Variants in PTPRD observed in about 807,000 individuals in gnomAD.
PTPRD encodes protein tyrosine phosphatase receptor type D.
A neutral mutation model predicts 214.5 loss-of-function variants in PTPRD; 34 were observed. The observed-to-expected ratio is 0.16, with a 90% CI of 0.12 to 0.21. The LOEUF (loss-of-function observed/expected upper bound fraction) is 0.21, where lower values mean the gene tolerates loss of function less well. Ranked by LOEUF, PTPRD falls within the 10% of genes least tolerant of loss-of-function variation. The pLI, the probability that PTPRD is intolerant of heterozygous loss-of-function variation, is 1.00. For missense variants in PTPRD, 2,545 were observed against 2,398.7 expected (o/e 1.06, Z -1.27); for synonymous variants, 1,128 against 845.7 (o/e 1.33, Z -5.79).
At chr9:8,738,613 G>A (rs1379416564) in intron 11 of PTPRD, among the ~76,000 whole-genome samples, 8 of 151,170 alleles carry the variant, frequency 5.3e-5, no homozygotes, top group Admixed American at 1.3e-4. Flanking sequence ...GGAAATCTGA[G>A]TGACAAAAAG....
intron 5 of PTPRD, among the ~76,000 whole-genome samples, chr9:9,919,015 A>G (rs1214870878): frequency 6.6e-6 from 1 of 152,138 alleles, no homozygotes; most frequent in Non-Finnish European, 1.5e-5. Flanking sequence ...ACTAATCTTG[A>G]TGTTGAGGAG....
intron 2 of PTPRD, among the ~76,000 whole-genome samples, chr9:10,404,243 G>A (rs1439533602): frequency 6.6e-6 from 1 of 151,804 alleles, no homozygotes; most frequent in African/African-American, 2.4e-5. Flanking sequence ...AGGGGTGGTG[G>A]AAGGTGGTTA....
chr9:9,060,859 GACAAA>G (rs1184648129), intron 10 of PTPRD, among the ~76,000 whole-genome samples: 1 of 152,060 alleles, frequency 6.6e-6, no homozygotes, highest in African/African-American at 2.4e-5. Flanking sequence ...TATTATAATA[GACAAA>G]ACAAATTTTT....
At chr9:8,853,459 G>C (rs1279885774) in intron 11 of PTPRD, among the ~76,000 whole-genome samples, 1 of 152,116 alleles carries the variant, frequency 6.6e-6, no homozygotes, top group African/African-American at 2.4e-5. Flanking sequence ...GGAAACAGAT[G>C]TAAGCCAAGC....
intron 17 of PTPRD, 77 bp from the exon 18 acceptor site, chr9:8,525,112 CA>C: frequency 7.9e-7 from 1 of 1,260,950 alleles, no homozygotes; most frequent in Non-Finnish European, 1.2e-6. Context: ...AACCTCTTAA[CA>C]ATATGAAAAG....
chr9:10,100,675 T>G (rs2098542951), intron 3 of PTPRD, among the ~76,000 whole-genome samples: 2 of 151,638 alleles, frequency 1.3e-5, no homozygotes, highest in South Asian at 4.1e-4. Flanking sequence ...AATATATACA[T>G]GTTGGAGCGT....
intron 12 of PTPRD, among the ~76,000 whole-genome samples, chr9:8,652,813 TG>T (rs1357700376): frequency 1.3e-5 from 2 of 152,146 alleles, no homozygotes; most frequent in African/African-American, 4.8e-5. Context: ...CAGAAGCATT[TG>T]GGAATGTATG....
intron 2 of PTPRD, among the ~76,000 whole-genome samples, chr9:10,518,437 T>G (rs781308195): frequency 2.6e-5 from 4 of 152,050 alleles, no homozygotes; most frequent in Non-Finnish European, 5.9e-5. Context: ...GGAAATTGAG[T>G]GTGAAATAAA....
chr9:9,268,367 G>T (rs186300208), intron 9 of PTPRD, among the ~76,000 whole-genome samples: 30 of 150,718 alleles, frequency 2.0e-4, no homozygotes, highest in Non-Finnish European at 1.5e-4. Flanking sequence ...TGGAAAAAAC[G>T]CAAGTATATA....
intron 30 of PTPRD, among the ~76,000 whole-genome samples, chr9:8,473,317 C>T (rs891210774): frequency 6.6e-6 from 1 of 152,132 alleles, no homozygotes; most frequent in Non-Finnish European, 1.5e-5. Flanking sequence ...CTGCGTATGA[C>T]AGAGACCAAT....
chr9:9,350,508 C>T (rs1309767157), intron 9 of PTPRD, among the ~76,000 whole-genome samples: 1 of 152,010 alleles, frequency 6.6e-6, no homozygotes, highest in Non-Finnish European at 1.5e-5. Flanking sequence ...AAATTATTTG[C>T]ATCCCCTTTT....
At chr9:10,226,179 G>C (rs2099588280) in intron 3 of PTPRD, among the ~76,000 whole-genome samples, 1 of 151,960 alleles carries the variant, frequency 6.6e-6, no homozygotes, top group Non-Finnish European at 1.5e-5. Context: ...CCTCCTGTTG[G>C]GATGCACTTA....
chr9:8,334,955 A>C (rs1845138684), intron 43 of PTPRD, among the ~76,000 whole-genome samples: 1 of 150,602 alleles, frequency 6.6e-6, no homozygotes, highest in African/African-American at 2.5e-5. Flanking sequence ...CCCAAGACTA[A>C]ACCAGGAAGA....
chr9:8,512,490 G>C (rs1298563327), intron 21 of PTPRD, among the ~76,000 whole-genome samples: 1 of 151,838 alleles, frequency 6.6e-6, no homozygotes, highest in Non-Finnish European at 1.5e-5. Flanking sequence ...GCTTGTATAG[G>C]CCTGTTGACA....
intron 6 of PTPRD, among the ~76,000 whole-genome samples, chr9:9,740,331 A>C (rs2098380990): frequency 6.6e-6 from 1 of 151,614 alleles, no homozygotes; most frequent in South Asian, 2.1e-4. Context: ...TACTATTATG[A>C]AGTTGTTCCA....
At chr9:9,769,189 G>A (rs1201256602) in intron 5 of PTPRD, among the ~76,000 whole-genome samples, 3 of 151,986 alleles carry the variant, frequency 2.0e-5, no homozygotes, top group Non-Finnish European at 4.4e-5. Context: ...AGTTCTGAAA[G>A]TCAAGCTTAC....
chr9:9,911,730 A>C (rs2079240295), intron 5 of PTPRD, among the ~76,000 whole-genome samples: 1 of 152,142 alleles, frequency 6.6e-6, no homozygotes, highest in Non-Finnish European at 1.5e-5. Context: ...TAGGAAGCAA[A>C]ATTAATATAA....
chr9:10,005,177 G>C (rs932932123), intron 4 of PTPRD, among the ~76,000 whole-genome samples: 1 of 151,842 alleles, frequency 6.6e-6, no homozygotes, highest in South Asian at 2.1e-4. Flanking sequence ...AACTGTTACT[G>C]TCCTAGGGCA....
At chr9:10,065,914 C>CTGG (rs2097871823) in intron 3 of PTPRD, among the ~76,000 whole-genome samples, 1 of 151,854 alleles carries the variant, frequency 6.6e-6, no homozygotes, top group Admixed American at 6.6e-5. Flanking sequence ...TTTGATGTTA[C>CTGG]TGGTATCACA....
Sources: allele counts gnomAD v4.1 joint callset (sites outside exome capture counted in the v4.1 genomes callset), GRCh38; gene constraint gnomAD v4.1.1; transcripts MANE v1.5; gene names NCBI Gene and HGNC (gene_info 2026-07-23, HGNC 2026-07-21).